FRMD4B: variants seen among roughly 807,000 people sequenced by gnomAD.
FRMD4B encodes FERM domain-containing protein 4B.
Under a neutral mutation model 141.5 loss-of-function variants are expected in FRMD4B, and 74 were observed. The ratio of observed to expected loss-of-function variants is 0.52; its 90% CI spans 0.43 to 0.63. The LOEUF is 0.63. Among genes scored for constraint, FRMD4B ranks in the 30% least tolerant of loss-of-function variants. The pLI is 0.00. For missense variants in FRMD4B, 1,366 were observed against 1,253.4 expected, an observed-to-expected ratio of 1.09 and a Z score of -1.36; for synonymous variants, 506 against 467.9, an observed-to-expected ratio of 1.08 and a Z score of -1.05.
intron 1 of FRMD4B, chr3:69,536,526 C>A: frequency 1.4e-6 from 1 of 698,078 alleles, no homozygotes; most frequent in Non-Finnish European, 2.6e-6. Flanking sequence ...CCTCTACCAC[C>A]GTGCGGGGGG....
chr3:69,387,435 G>C (rs1704286138), upstream of FRMD4B, among the ~76,000 whole-genome samples: 1 of 152,142 alleles, frequency 6.6e-6, no homozygotes, highest in Admixed American at 6.5e-5. Flanking sequence ...CCCTTAGAAT[G>C]TATGAAGATT....
At chr3:69,526,723 G>T (rs776230229) in intron 1 of FRMD4B, among the ~76,000 whole-genome samples, 2 of 152,058 alleles carry the variant, frequency 1.3e-5, no homozygotes, top group Non-Finnish European at 2.9e-5. Flanking sequence ...ACACTGTCCC[G>T]AGAACATAAC....
At chr3:69,327,917 T>G (rs567877600) in intron 1 of FRMD4B, among the ~76,000 whole-genome samples, 1 of 152,272 alleles carries the variant, frequency 6.6e-6, no homozygotes, top group Non-Finnish European at 1.5e-5. Flanking sequence ...TAATGCAGGC[T>G]GTGTTTTTAA....
intron 1 of FRMD4B, among the ~76,000 whole-genome samples, chr3:69,344,552 T>G (rs1056034086): frequency 6.6e-6 from 1 of 152,230 alleles, no homozygotes; most frequent in African/African-American, 2.4e-5. Flanking sequence ...AGACTGAATA[T>G]GAAAAATTAG....
At chr3:69,260,960 A>G (rs973127029) in intron 5 of FRMD4B, among the ~76,000 whole-genome samples, 1 of 152,214 alleles carries the variant, frequency 6.6e-6, no homozygotes, top group Middle Eastern at 3.2e-3. Flanking sequence ...AAACGGACCA[A>G]TCAGCTCTCT....
At chr3:69,332,461 G>A (rs1702400761) in intron 1 of FRMD4B, among the ~76,000 whole-genome samples, 1 of 152,196 alleles carries the variant, frequency 6.6e-6, no homozygotes, top group South Asian at 2.1e-4. Flanking sequence ...ACCGGCCTCA[G>A]GTGAGGATGG....
chr3:69,505,295 T>G (rs1038700029), intron 1 of FRMD4B, among the ~76,000 whole-genome samples: 1 of 152,138 alleles, frequency 6.6e-6, no homozygotes, highest in Non-Finnish European at 1.5e-5. Flanking sequence ...GGAGGATCAC[T>G]TGAACCCAGG....
chr3:69,497,976 A>G (rs1302052277), intron 1 of FRMD4B, among the ~76,000 whole-genome samples: 1 of 152,200 alleles, frequency 6.6e-6, no homozygotes, highest in African/African-American at 2.4e-5. Context: ...TTCCCTAAGA[A>G]ATAGCATTCT....
At chr3:69,529,780 C>A (rs1043126209) in intron 1 of FRMD4B, among the ~76,000 whole-genome samples, 7 of 152,140 alleles carry the variant, frequency 4.6e-5, no homozygotes, top group Non-Finnish European at 7.3e-5. Flanking sequence ...TCAAAGCAAC[C>A]CTATGAACTA....
chr3:69,245,214 A>G (rs2093414062), intron 7 of FRMD4B, among the ~76,000 whole-genome samples: 1 of 152,298 alleles, frequency 6.6e-6, no homozygotes, highest in Middle Eastern at 3.4e-3. Flanking sequence ...TACACAGGTA[A>G]TAAGTAGCCA....
chr3:69,341,571 G>A (rs1702739267), intron 1 of FRMD4B, among the ~76,000 whole-genome samples: 1 of 152,288 alleles, frequency 6.6e-6, no homozygotes, highest in Admixed American at 6.5e-5. Context: ...CCACACTTCT[G>A]GCAGGCTCAA....
intron 1 of FRMD4B, among the ~76,000 whole-genome samples, chr3:69,479,302 C>T (rs1316874609): frequency 7.9e-4 from 114 of 145,118 alleles, no homozygotes; most frequent in South Asian, 2.0e-3. Context: ...TTCCTAGCCT[C>T]GATGGTCTTT....
intron 10 of FRMD4B, among the ~76,000 whole-genome samples, 197 bp downstream of exon 10, chr3:69,218,125 A>G (rs2093158686): frequency 6.6e-6 from 1 of 152,208 alleles, no homozygotes; most frequent in Non-Finnish European, 1.5e-5. Context: ...TTCGAAAGAG[A>G]ATGATCTGAA....
intron 1 of FRMD4B, among the ~76,000 whole-genome samples, chr3:69,502,701 G>C (rs1430235431): frequency 1.3e-5 from 2 of 151,506 alleles, no homozygotes; most frequent in Non-Finnish European, 2.9e-5. Flanking sequence ...TTAAACTAAA[G>C]AGCTTCTGCA....
rs184807266 is a variant in FRMD4B, at chr3:69,281,862, C to A, written c.501+5890G>T. Among the ~76,000 whole-genome samples the A allele has an allele frequency of 7.6e-4, 114 of 149,156 alleles. 1 individual carries two copies. The highest frequency in any genetic ancestry group is 2.6e-3 in the African/African-American group (106 of 40,738). On this transcript the variant is annotated intron_variant, in intron 5 of 22. Transcript: ENST00000398540. ...AAATATATATATATATTTTTGCTTA[C>A]AGTATTTTTCACAAAAGTGAAAAAT...
chr3:69,352,059 G>A (rs2107437578), intron 1 of FRMD4B, among the ~76,000 whole-genome samples: 2 of 152,248 alleles, frequency 1.3e-5, no homozygotes, highest in South Asian at 4.2e-4. Context: ...CAAACACAGT[G>A]GAACACACAG....
chr3:69,386,116 A>G (rs1704247538), upstream of FRMD4B: 8 of 877,914 alleles, frequency 9.1e-6, no homozygotes, highest in African/African-American at 3.5e-5. Flanking sequence ...GCCTGCCACC[A>G]AACTCGTCTT....
At chr3:69,537,788 G>T (rs149647128) in intron 1 of FRMD4B, among the ~76,000 whole-genome samples, 4 of 152,170 alleles carry the variant, frequency 2.6e-5, no homozygotes, top group African/African-American at 9.7e-5. Context: ...ATTATTTGGG[G>T]CATCAAAAAG....
At chr3:69,428,778 T>C (rs1443483980) in intron 2 of FRMD4B, among the ~76,000 whole-genome samples, 1 of 152,112 alleles carries the variant, frequency 6.6e-6, no homozygotes, top group African/African-American at 2.4e-5. Context: ...CAACCATCAC[T>C]CTCATCCTTC....
Sources: gnomAD v4.1 joint callset for allele counts (sites outside exome capture counted in the v4.1 genomes callset) on GRCh38, gnomAD v4.1.1 for gene constraint, MANE v1.5 for transcripts, NCBI Gene and HGNC (gene_info 2026-07-23, HGNC 2026-07-21) for gene names.